Variants in ADGRB3 observed in about 807,000 individuals in gnomAD.
ADGRB3 encodes brain-specific angiogenesis inhibitor 3.
A neutral mutation model predicts 193.4 loss-of-function variants in ADGRB3; 37 were observed. The ratio of observed to expected loss-of-function variants is 0.19; its 90% CI spans 0.15 to 0.25. The LOEUF (loss-of-function observed/expected upper bound fraction) is 0.25. Ranked by LOEUF, ADGRB3 falls within the 10% of genes least tolerant of loss-of-function variation. The pLI is 1.00. For missense variants in ADGRB3, 1,637 were observed against 1,852.9 expected, an observed-to-expected ratio of 0.88 and a Z score of 2.14; for synonymous variants, 690 against 644.2, an observed-to-expected ratio of 1.07 and a Z score of -1.08.
At chr6:69,175,181 C>T (rs1039581267) in intron 17 of ADGRB3, among the ~76,000 whole-genome samples, 26 of 152,004 alleles carry the variant, frequency 1.7e-4, no homozygotes, top group African/African-American at 6.0e-4. Context: ...GTCATAAATT[C>T]TTTCCCAAGT....
At chr6:69,228,629 G>C (rs1442746084) in intron 17 of ADGRB3, among the ~76,000 whole-genome samples, 1 of 152,156 alleles carries the variant, frequency 6.6e-6, no homozygotes, top group Admixed American at 6.5e-5. Flanking sequence ...TGATGGGAAA[G>C]TACCTGCTTC....
intron 3 of ADGRB3, among the ~76,000 whole-genome samples, chr6:68,908,352 G>T (rs545494588): frequency 2.6e-5 from 4 of 151,930 alleles, no homozygotes; most frequent in Non-Finnish European, 5.9e-5. Flanking sequence ...CCTTCTGAAC[G>T]CCTAAGAGCA....
chr6:69,018,684 C>T (rs1485468700), intron 13 of ADGRB3, among the ~76,000 whole-genome samples, 185 bp downstream of exon 13: 2 of 151,826 alleles, frequency 1.3e-5, no homozygotes, highest in Non-Finnish European at 2.9e-5. Context: ...TATATATGTA[C>T]GCGTATATTT....
chr6:68,980,483 C>G (rs1768876917), intron 10 of ADGRB3, among the ~76,000 whole-genome samples: 2 of 151,506 alleles, frequency 1.3e-5, no homozygotes, highest in African/African-American at 4.8e-5. Flanking sequence ...ACATATCACA[C>G]TTTTTTGGTC....
intron 3 of ADGRB3, among the ~76,000 whole-genome samples, chr6:68,830,944 G>A (rs570379): frequency 0.27 from 32,538 of 118,660 alleles, 4,112 homozygotes; most frequent in East Asian, 0.59. Flanking sequence ...AACATGTATG[G>A]CAGAACAACT....
intron 17 of ADGRB3, among the ~76,000 whole-genome samples, chr6:69,201,654 A>C (rs928178935): frequency 2.6e-5 from 4 of 152,100 alleles, no homozygotes; most frequent in African/African-American, 9.7e-5. Flanking sequence ...AGGCACTGTC[A>C]GCATCACTGC....
At chr6:69,026,364 G>A (rs1173450376) in intron 13 of ADGRB3, among the ~76,000 whole-genome samples, 1 of 152,076 alleles carries the variant, frequency 6.6e-6, no homozygotes, top group Non-Finnish European at 1.5e-5. Flanking sequence ...TGATATGTAG[G>A]GGCAGAACAC....
At chr6:68,962,117 G>A (rs1338772900) in intron 8 of ADGRB3, among the ~76,000 whole-genome samples, 1 of 152,146 alleles carries the variant, frequency 6.6e-6, no homozygotes, top group Admixed American at 6.5e-5. Flanking sequence ...AATATTAAAT[G>A]TTCTATTTGT....
chr6:69,227,561 A>G (rs925653090), intron 17 of ADGRB3, among the ~76,000 whole-genome samples: 1 of 152,138 alleles, frequency 6.6e-6, no homozygotes, highest in African/African-American at 2.4e-5. Flanking sequence ...GACTGACAAC[A>G]TTTTCTGGGA....
chr6:68,869,084 A>C (rs984232685), intron 3 of ADGRB3, among the ~76,000 whole-genome samples: 2 of 152,196 alleles, frequency 1.3e-5, no homozygotes, highest in Admixed American at 1.3e-4. Context: ...CAAAGATTTT[A>C]TCCTTCTCAG....
intron 20 of ADGRB3, among the ~76,000 whole-genome samples, chr6:69,323,013 T>G (rs1388380064): frequency 1.3e-5 from 2 of 151,962 alleles, no homozygotes; most frequent in Non-Finnish European, 2.9e-5. Flanking sequence ...AGAATTAAAG[T>G]GAATACCAGG....
At chr6:68,668,309 C>G (rs1317628709) in intron 3 of ADGRB3, among the ~76,000 whole-genome samples, 1 of 151,970 alleles carries the variant, frequency 6.6e-6, no homozygotes, top group Admixed American at 6.6e-5. Context: ...GAAACTAAAT[C>G]ACATCCGGAA....
chr6:69,381,699 T>C (rs1769949765), intron 30 of ADGRB3, among the ~76,000 whole-genome samples: 1 of 151,928 alleles, frequency 6.6e-6, no homozygotes, highest in South Asian at 2.1e-4. Context: ...CCCAAAGATA[T>C]ATTTCTTTTT....
intron 4 of ADGRB3, among the ~76,000 whole-genome samples, chr6:68,933,492 C>A (rs1432769985): frequency 6.6e-6 from 1 of 152,094 alleles, no homozygotes. Flanking sequence ...ACTCAGGAGG[C>A]TGAGGCAGTA....
At chr6:68,958,131 G>A (rs1768130320) in intron 8 of ADGRB3, among the ~76,000 whole-genome samples, 1 of 152,090 alleles carries the variant, frequency 6.6e-6, no homozygotes, top group Admixed American at 6.5e-5. Context: ...AACCCAGGAG[G>A]TGGAGGTTGC....
intron 20 of ADGRB3, among the ~76,000 whole-genome samples, chr6:69,288,838 T>C (rs187330994): frequency 4.6e-4 from 70 of 152,284 alleles, no homozygotes; most frequent in African/African-American, 1.6e-3. Flanking sequence ...ATGATTTATA[T>C]CAACTTGGTT....
At chr6:69,020,010 G>T (rs3757047) in intron 13 of ADGRB3, among the ~76,000 whole-genome samples, 64,392 of 151,718 alleles carry the variant, frequency 0.42, 14,352 homozygotes, top group African/African-American at 0.47. Flanking sequence ...AAGGAATCTA[G>T]CAAGATTCCA....
intron 3 of ADGRB3, 22 bp downstream of exon 3, chr6:68,639,454 A>AGGTGAGC (rs745385639): frequency 3.2e-6 from 5 of 1,575,238 alleles, no homozygotes; most frequent in Non-Finnish European, 4.3e-6. Flanking sequence ...AGAGAGGGGA[A>AGGTGAGC]GGTGAGCGGG....
intron 12 of ADGRB3, among the ~76,000 whole-genome samples, chr6:69,015,017 G>GA (rs898024682): frequency 6.3e-4 from 94 of 149,694 alleles, no homozygotes; most frequent in African/African-American, 1.2e-3. Flanking sequence ...GACATAGCCA[G>GA]AAAAAAAAAC....
Sources: gnomAD v4.1 joint callset for allele counts (sites outside exome capture counted in the v4.1 genomes callset) on GRCh38, gnomAD v4.1.1 for gene constraint, MANE v1.5 for transcripts, NCBI Gene and HGNC (gene_info 2026-07-23, HGNC 2026-07-21) for gene names.